Variants in SSUH2 observed in about 807,000 individuals in gnomAD.
SSUH2 encodes the protein ssu-2 homolog.
SSUH2 carries 47 observed loss-of-function variants against 55.3 expected under a neutral mutation model. The ratio of observed to expected loss-of-function variants is 0.85; its 90% CI spans 0.67 to 1.08. SSUH2 has a LOEUF of 1.08. Ranked by LOEUF, SSUH2 falls within the 50% of genes least tolerant of loss-of-function variation. SSUH2 has a pLI of 0.00. For synonymous variants in SSUH2, 212 were observed against 191.5 expected, an observed-to-expected ratio of 1.11 and a Z score of -0.89; for missense variants, 535 against 490.7, an observed-to-expected ratio of 1.09 and a Z score of -0.85.
intron 4 of SSUH2, among the ~76,000 whole-genome samples, chr3:8,633,089 T>A (rs1205360843): frequency 6.6e-6 from 1 of 151,854 alleles, no homozygotes; most frequent in East Asian, 1.9e-4. Context: ...GTGTGTAGCA[T>A]GCGTTCTATG....
At chr3:8,634,388 AC>A (rs201461037) in intron 3 of SSUH2, 23,182 of 1,291,106 alleles carry the variant, frequency 0.018, 452 homozygotes, top group Admixed American at 0.093. Flanking sequence ...AGGCCATGCC[AC>A]CCCCTTACTG....
At chr3:8,638,424 C>G (rs1575174046) in intron 1 of SSUH2, among the ~76,000 whole-genome samples, 1 of 152,220 alleles carries the variant, frequency 6.6e-6, no homozygotes. Context: ...AAAAAAGTTT[C>G]ATAGACGTAG....
intron 10 of SSUH2, among the ~76,000 whole-genome samples, chr3:8,624,876 C>A (rs758770670): frequency 2.0e-5 from 3 of 152,286 alleles, no homozygotes; most frequent in Non-Finnish European, 2.9e-5. Flanking sequence ...CTCTGCCAGT[C>A]CTCAAGGCCT....
chr3:8,619,575 A>G lies in SSUH2; in HGVS notation c.*293T>C, dbSNP rs2125061267. The G allele has an allele frequency of 3.3e-6, 1 of 301,398 alleles. No individual in the cohort carries two copies. The highest frequency in any genetic ancestry group is 9.2e-4 in the Middle Eastern group (1 of 1,090). 18.7% of individuals were successfully genotyped at this position (301,398 alleles called of 1,614,324 possible). A position where few individuals can be genotyped will look rare whatever the true frequency, so the allele number is the denominator to read the frequency against. ...ATCAAATCACACGCATCATCGGGGCATTAACTTGGAGACCAGAGGCAAAGT... is the reference window on the plus strand; with the variant it reads ...ATCAAATCACACGCATCATCGGGGCGTTAACTTGGAGACCAGAGGCAAAGT... On this transcript the variant is annotated 3_prime_UTR_variant, in exon 12 of 12. Transcript: ENST00000544814.
chr3:8,660,211 A>C (rs1047624619), intron 6 of SSUH2, among the ~76,000 whole-genome samples: 5 of 152,188 alleles, frequency 3.3e-5, no homozygotes, highest in African/African-American at 1.2e-4. Context: ...AAAAGGTGAG[A>C]GGAAGGAATT....
chr3:8,674,397 GA>G (rs1704987306), intron 3 of SSUH2, among the ~76,000 whole-genome samples: 1 of 152,232 alleles, frequency 6.6e-6, no homozygotes, highest in African/African-American at 2.4e-5. Flanking sequence ...CAACCTGGCA[GA>G]AGGGTTATTG....
chr3:8,672,907 C>A (rs57592477), intron 3 of SSUH2, among the ~76,000 whole-genome samples: 1,648 of 152,170 alleles, frequency 0.011, 14 homozygotes, highest in Non-Finnish European at 0.016. Flanking sequence ...TGGGTGTACA[C>A]CTGCTGCGAT....
At chr3:8,632,896 A>T (rs1386350831) in intron 4 of SSUH2, among the ~76,000 whole-genome samples, 2 of 152,134 alleles carry the variant, frequency 1.3e-5, no homozygotes, top group Admixed American at 1.3e-4. Context: ...TGCCTTGTGG[A>T]AGTATGAAGT....
intron 3 of SSUH2, 169 bp from the exon 4 acceptor site, chr3:8,633,964 G>A (rs752137777): frequency 3.2e-5 from 52 of 1,611,872 alleles, no homozygotes; most frequent in East Asian, 4.5e-5. Flanking sequence ...CCATGTGAAC[G>A]GGTGCCCAGC....
intron 3 of SSUH2, chr3:8,634,622 T>A (rs1461237666): frequency 7.8e-7 from 1 of 1,275,930 alleles, no homozygotes; most frequent in Non-Finnish European, 1.0e-6. Context: ...CAGAGATGAC[T>A]CCCCGGAGGA....
At chr3:8,638,522 G>T (rs1344273717) in intron 1 of SSUH2, among the ~76,000 whole-genome samples, 3 of 152,154 alleles carry the variant, frequency 2.0e-5, no homozygotes, top group Non-Finnish European at 2.9e-5. Flanking sequence ...AGGCAGCATG[G>T]TTAGAAACAT....
At chr3:8,669,430 C>T (rs1430026774) in intron 5 of SSUH2, among the ~76,000 whole-genome samples, 1 of 152,152 alleles carries the variant, frequency 6.6e-6, no homozygotes, top group Non-Finnish European at 1.5e-5. Context: ...CAAACTTTAT[C>T]AGAGCAGTAC....
chr3:8,634,365 A>C, intron 3 of SSUH2: 2 of 1,288,668 alleles, frequency 1.6e-6, no homozygotes, highest in Non-Finnish European at 2.0e-6. Context: ...TCCTCCTGGA[A>C]GTCCCTTCCC....
chr3:8,630,895 G>A lies in SSUH2; in HGVS notation c.435C>T (p.Ser145=). 2 of 1,467,742 alleles carry A rather than the reference G, an allele frequency of 1.4e-6. No individual in the cohort carries two copies. Among genetic ancestry groups the A allele is most frequent in the Non-Finnish European group, 1.8e-6 (2 of 1,109,062 alleles). The allele number at this position is 1,467,742 out of a possible 1,614,324, so 90.9% of individuals were successfully genotyped here. ...HSVDGPQRGA[S]PRLWDIKVQG... is the part of the protein sequence containing the mutation. ...GAACCTTGATGTCCCAGAGCCTGGG[G>A]GAGGCGCCTCTTTGCGGCCCATCCA... Residue 145 remains serine (S), a synonymous_variant, in exon 6 of 12, where the codon TCC becomes TCT. Transcript: ENST00000544814.
At chr3:8,646,311 A>G (rs1030879137), upstream of SSUH2, among the ~76,000 whole-genome samples, 4 of 152,238 alleles carry the variant, frequency 2.6e-5, no homozygotes, top group Admixed American at 2.0e-4. Flanking sequence ...ATATACCACT[A>G]TTACATCTTG....
chr3:8,628,309 C>A (rs1001232446), intron 7 of SSUH2, among the ~76,000 whole-genome samples: 1 of 152,110 alleles, frequency 6.6e-6, no homozygotes, highest in East Asian at 1.9e-4. Context: ...TTCACGGTAG[C>A]CAGGGTCAGA....
At chr3:8,650,499 C>T (rs1479820430) in intron 7 of SSUH2, among the ~76,000 whole-genome samples, 1 of 152,180 alleles carries the variant, frequency 6.6e-6, no homozygotes, top group Non-Finnish European at 1.5e-5. Flanking sequence ...GACTTCTAAA[C>T]AGTTTTCTCC....
intron 10 of SSUH2, among the ~76,000 whole-genome samples, chr3:8,624,445 G>GT (rs1553562750): frequency 6.6e-6 from 1 of 152,198 alleles, no homozygotes; most frequent in Non-Finnish European, 1.5e-5. Context: ...GAAGAGTGGG[G>GT]TGCAGGGCTT....
At chr3:8,650,654 A>G (rs1702291749) in intron 7 of SSUH2, among the ~76,000 whole-genome samples, 1 of 152,230 alleles carries the variant, frequency 6.6e-6, no homozygotes, top group African/African-American at 2.4e-5. Context: ...CATTATAGGA[A>G]CAGCAGGAAG....
Sources: gnomAD v4.1 joint callset for allele counts (sites outside exome capture counted in the v4.1 genomes callset) on GRCh38, gnomAD v4.1.1 for gene constraint, MANE v1.5 for transcripts, NCBI Gene and HGNC (gene_info 2026-07-23, HGNC 2026-07-21) for gene names.